M6PR: variants seen among roughly 807,000 people sequenced by gnomAD.
M6PR encodes mannose-6-phosphate receptor, cation dependent.
A neutral mutation model predicts 33.1 loss-of-function variants in M6PR; 19 were observed. The ratio of observed to expected loss-of-function variants is 0.57; its 90% CI spans 0.40 to 0.84. The LOEUF is 0.84. Among genes scored for constraint, M6PR ranks in the 40% least tolerant of loss-of-function variants. M6PR has a pLI of 0.00. For missense variants in M6PR, 295 were observed against 336.0 expected (o/e 0.88, Z 0.95); for synonymous variants, 111 against 123.4 (o/e 0.90, Z 0.67).
intron 3 of M6PR, among the ~76,000 whole-genome samples, chr12:8,944,299 G>A (rs944331349): frequency 3.9e-5 from 6 of 152,186 alleles, no homozygotes; most frequent in African/African-American, 1.4e-4. Context: ...CTTAGCCCCA[G>A]ATAAATTCAG....
chr12:8,942,010 T>C (rs755352082), intron 6 of M6PR, 70 bp from the exon 7 acceptor site: 16 of 1,561,658 alleles, frequency 1.0e-5, no homozygotes, highest in Admixed American at 6.7e-5. Flanking sequence ...AGTGTACTTA[T>C]GGTCTAGGAA....
chr12:8,941,505 G>C lies in M6PR; in HGVS notation c.*313C>G. On this transcript the variant is annotated 3_prime_UTR_variant, in exon 7 of 7. Transcript: ENST00000000412. ...TGTTTAAAAAACAAACGGCCAGTGA[G>C]CCTGCTACACCATTTTGCCCATATG... 4.1e-6 allele frequency: 1 copy of C among 241,810 alleles called. No homozygotes were observed. Among genetic ancestry groups the C allele is most frequent in the Non-Finnish European group, 7.9e-6 (1 of 125,826 alleles). The allele number at this position is 241,810 out of a possible 1,614,324, so 15.0% of individuals were successfully genotyped here.
intron 6 of M6PR, 170 bp downstream of exon 6, chr12:8,942,246 G>GCCACTTACTA: frequency 1.2e-6 from 1 of 824,552 alleles, no homozygotes; most frequent in Non-Finnish European, 1.9e-6. Context: ...TGGATGCTGT[G>GCCACTTACTA]CCACTTACTA....
At chr12:8,945,199 A>T (rs1805726) in intron 3 of M6PR, 5 of 464,320 alleles carry the variant, frequency 1.1e-5, no homozygotes, top group Non-Finnish European at 1.9e-5. Context: ...TTCATTTTGC[A>T]TAAGTTTTTC....
chr12:8,945,553 T>C lies in M6PR; in HGVS notation c.208A>G (p.Thr70Ala), dbSNP rs144462453. ...FESTVGQGSDTYIYIFRVCRE... is the reference protein window; with the variant it reads ...FESTVGQGSDAYIYIFRVCRE... ...CACACCCTGAAGATGTAGATGTATG[T>C]GTCTGAACCCTGGCCCACAGTGCTC... Residue 70 changes from threonine (T) to alanine (A), a missense_variant, in exon 3 of 7, where the codon ACA becomes GCA. Coordinates refer to ENST00000000412, the MANE Select transcript of M6PR (RefSeq NM_002355.4). The C allele has an allele frequency of 8.6e-4, 1,388 of 1,614,106 alleles. 22 individuals carry two copies. In the East Asian group the frequency reaches 0.028, roughly 33 times the overall value.
chr12:8,947,028 C>T (rs1946104207), intron 1 of M6PR, among the ~76,000 whole-genome samples: 1 of 152,182 alleles, frequency 6.6e-6, no homozygotes, highest in Non-Finnish European at 1.5e-5. Context: ...TCTTATCCAT[C>T]TTCATACCCA....
At chr12:8,943,209 C>T (rs1946048689) in intron 5 of M6PR, 196 bp downstream of exon 5, 2 of 652,424 alleles carry the variant, frequency 3.1e-6, no homozygotes, top group African/African-American at 1.8e-5. Flanking sequence ...GCCTTGGCTT[C>T]CCAAAGTGCT....
In M6PR at chr12:8,942,467, C is replaced by T. The variant is rs1946030075; in HGVS notation, c.660G>A (p.Met220Ile). 2 of 1,614,204 alleles carry T rather than the reference C, an allele frequency of 1.2e-6. No homozygotes were observed. The highest frequency in any genetic ancestry group is 2.2e-5 in the East Asian group (1 of 44,892). The change falls in exon 6 of 7, where the codon ATG becomes ATA. Residue 220 changes from methionine (M) to isoleucine (I), a missense_variant. Met to Ile is a conservative substitution (Grantham distance 10, BLOSUM62 1). Transcript: ENST00000000412. ...YQRLVVGAKGMEQFPHLAFWQ... is the reference protein window; with the variant it reads ...YQRLVVGAKGIEQFPHLAFWQ... Reference sequence around the variant, plus strand: ...AGAAGGCTAAGTGGGGAAACTGCTCCATTCCTTTGGCTCCCACTACCAGTC... The same window carrying T: ...AGAAGGCTAAGTGGGGAAACTGCTCTATTCCTTTGGCTCCCACTACCAGTC...
intron 1 of M6PR, among the ~76,000 whole-genome samples, chr12:8,947,004 A>AG (rs1323779399): frequency 6.6e-6 from 1 of 152,168 alleles, no homozygotes; most frequent in Non-Finnish European, 1.5e-5. Context: ...ACCAAAACCT[A>AG]ACATTTTCTT....
chr12:8,941,713 TAGTA>T lies in M6PR; in HGVS notation c.*101_*104del. ...AAAGCAAACTGGAAAGCAAGAGCAA[TAGTA>T]AGGGTGAGATGAGGGACTGGAGTTG... On this transcript the variant is annotated 3_prime_UTR_variant, in exon 7 of 7. Transcript: ENST00000000412. The T allele has an allele frequency of 7.2e-7, 1 of 1,394,950 alleles. No homozygotes were observed. Among genetic ancestry groups the T allele is most frequent in the Admixed American group, 1.8e-5 (1 of 56,604 alleles). The allele number at this position is 1,394,950 out of a possible 1,614,324, so 86.4% of individuals were successfully genotyped here. A position where few individuals can be genotyped will look rare whatever the true frequency, so the allele number is the denominator to read the frequency against.
intron 1 of M6PR, among the ~76,000 whole-genome samples, chr12:8,947,153 CT>C (rs1946105911): frequency 6.6e-6 from 1 of 152,168 alleles, no homozygotes; most frequent in Non-Finnish European, 1.5e-5. Flanking sequence ...TGATTTAACT[CT>C]TCTAAACTTT....
chr12:8,942,378 T>G (rs774892825), intron 6 of M6PR, 38 bp downstream of exon 6: 27 of 1,613,916 alleles, frequency 1.7e-5, no homozygotes, highest in Non-Finnish European at 2.2e-5. Context: ...CAACCTTGTT[T>G]GCAGGCTACA....
Position 8,941,644 on chromosome 12 carries a change from G to A in M6PR, c.*174C>T, listed in dbSNP as rs772031462. The A allele has an allele frequency of 4.5e-4, 314 of 704,422 alleles. No homozygotes were observed. The highest frequency in any genetic ancestry group is 6.4e-4 in the Non-Finnish European group (272 of 426,046). 43.6% of individuals were successfully genotyped at this position (704,422 alleles called of 1,614,324 possible). On this transcript the variant is annotated 3_prime_UTR_variant, in exon 7 of 7. Transcript: ENST00000000412. ...TCTCTAGAGAAAAAACAGAAAATAAGGAACAAAGGGAAGGCAGTTTTACTA... is the reference window on the plus strand; with the variant it reads ...TCTCTAGAGAAAAAACAGAAAATAAAGAACAAAGGGAAGGCAGTTTTACTA...
chr12:8,948,493 T>A (rs1456390760), intron 1 of M6PR, among the ~76,000 whole-genome samples: 1 of 152,164 alleles, frequency 6.6e-6, no homozygotes, highest in Non-Finnish European at 1.5e-5. Context: ...GGAAAACTTA[T>A]AAACATAGGG....
At chr12:8,945,392 G>A (rs746693133) in intron 3 of M6PR, 26 bp downstream of exon 3, 8 of 1,612,310 alleles carry the variant, frequency 5.0e-6, no homozygotes, top group Admixed American at 3.3e-5. Flanking sequence ...TTAGTCAATC[G>A]ATGGTAGGAA....
rs1275008496 is a variant in M6PR at position 8,949,641 on chromosome 12, A to C, written c.-155T>G. The C allele has an allele frequency of 6.6e-6, 1 of 151,746 alleles. No homozygotes were observed. The highest frequency in any genetic ancestry group is 1.5e-5 in the Non-Finnish European group (1 of 68,036). The allele number at this position is 151,746 out of a possible 1,614,324, so 9.4% of individuals were successfully genotyped here. A position where few individuals can be genotyped will look rare whatever the true frequency, so the allele number is the denominator to read the frequency against. The stretch of plus-strand genomic sequence containing the variant: ...TCCCCCTAGCGCCTCGCTGTGCCCC[A>C]CTCTGGGAACCGGAAACAGGAAGCG... On this transcript the variant is annotated 5_prime_UTR_variant, in exon 1 of 7. Transcript: ENST00000000412. This position sits in a 1 kb window ranked among gnomAD's most constrained non-coding sequence, Gnocchi z 5.6.
At chr12:8,942,644 TCCCTG>T in intron 5 of M6PR, 102 bp from the exon 6 acceptor site, 1 of 1,286,442 alleles carries the variant, frequency 7.8e-7, no homozygotes, top group South Asian at 1.5e-5. Context: ...TAAGATACAT[TCCCTG>T]AAAAGGAAAA....
chr12:8,945,692 T>G (rs1946084881), intron 2 of M6PR, 108 bp from the exon 3 acceptor site: 2 of 870,340 alleles, frequency 2.3e-6, no homozygotes, highest in South Asian at 1.7e-5. Flanking sequence ...ATGCTCGATT[T>G]ATTTATTTGA....
rs1946013187 is a variant in M6PR at position 8,941,813 on chromosome 12, G to A, written c.*5C>T. ...GAGGAAGAGGCTGGACATATAAAGT[G>A]CAATCTACATTGGTAATAAATGGTC... On this transcript the variant is annotated 3_prime_UTR_variant, in exon 7 of 7. Transcript: ENST00000000412. 3 of 1,614,066 alleles carry A rather than the reference G, an allele frequency of 1.9e-6. No individual in the cohort carries two copies. Among genetic ancestry groups the A allele is most frequent in the Non-Finnish European group, 2.5e-6 (3 of 1,179,994 alleles).
Sources: allele counts gnomAD v4.1 joint callset (sites outside exome capture counted in the v4.1 genomes callset), GRCh38; gene constraint gnomAD v4.1.1; non-coding constraint Gnocchi (gnomAD v3.1); transcripts MANE v1.5; gene names NCBI Gene and HGNC (gene_info 2026-07-23, HGNC 2026-07-21).